Variants in CEP57L1 observed in about 807,000 individuals in gnomAD.
CEP57L1 encodes centrosomal protein 57 like 1.
CEP57L1 carries 37 observed loss-of-function variants against 61.0 expected under a neutral mutation model. The ratio of observed to expected loss-of-function variants is 0.61; its 90% CI spans 0.47 to 0.80. The LOEUF (loss-of-function observed/expected upper bound fraction) is 0.80. Among genes scored for constraint, CEP57L1 ranks in the 30% least tolerant of loss-of-function variants. The pLI is 0.00. For missense variants in CEP57L1, 422 were observed against 524.7 expected, an observed-to-expected ratio of 0.80 and a Z score of 1.91; for synonymous variants, 137 against 162.3, an observed-to-expected ratio of 0.84 and a Z score of 1.19.
chr6:109,126,926 G>T (rs577353414), intron 1 of CEP57L1, among the ~76,000 whole-genome samples: 4 of 152,278 alleles, frequency 2.6e-5, no homozygotes, highest in Admixed American at 2.6e-4. Flanking sequence ...CCAGCACTTT[G>T]GGAGGCCGAG....
chr6:109,130,279 A>T (rs749225518), intron 1 of CEP57L1, among the ~76,000 whole-genome samples: 4 of 152,214 alleles, frequency 2.6e-5, no homozygotes, highest in Non-Finnish European at 5.9e-5. Context: ...TAGATACTTC[A>T]TATAAGTGGA....
intron 4 of CEP57L1, among the ~76,000 whole-genome samples, 188 bp from the exon 5 acceptor site, chr6:109,153,641 AAAAT>A (rs1412420661): frequency 2.6e-5 from 4 of 152,174 alleles, no homozygotes; most frequent in South Asian, 2.1e-4. Context: ...AAGGTTGAAA[AAAAT>A]AAATAACAAA....
chr6:109,154,766 T>G (rs1337342127), intron 5 of CEP57L1, among the ~76,000 whole-genome samples: 1 of 152,082 alleles, frequency 6.6e-6, no homozygotes, highest in Non-Finnish European at 1.5e-5. Context: ...TATAAGCTCT[T>G]AAGTAACAAG....
intron 7 of CEP57L1, chr6:109,157,440 A>T (rs1410505199): frequency 1.3e-5 from 2 of 152,242 alleles, no homozygotes; most frequent in African/African-American, 2.4e-5. Flanking sequence ...AGTATAAAAC[A>T]GTATAATAGA....
rs2114983989 is a variant in CEP57L1, at chr6:109,166,684, A to G, written c.*3714A>G. On this transcript the variant is annotated 3_prime_UTR_variant, in exon 11 of 11. Coordinates refer to ENST00000517392, the MANE Select transcript of CEP57L1 (RefSeq NM_001271852.3). ...AGGCATGAGCCACTGCGCCCAGCCT[A>G]AATGTGTATTCTTATCCATGATAAG... 6.6e-6 allele frequency among the ~76,000 whole-genome samples: 1 copy of G among 152,192 alleles called. No homozygotes were observed. Among genetic ancestry groups the G allele is most frequent in the East Asian group, 1.9e-4 (1 of 5,186 alleles).
At chr6:109,121,670 A>C (rs1353932007) in intron 1 of CEP57L1, among the ~76,000 whole-genome samples, 2 of 152,188 alleles carry the variant, frequency 1.3e-5, no homozygotes, top group African/African-American at 4.8e-5. Flanking sequence ...TTTCATTATC[A>C]AAATCCCAGA....
chr6:109,119,349 G>A (rs926932166), intron 1 of CEP57L1, among the ~76,000 whole-genome samples: 8 of 152,150 alleles, frequency 5.3e-5, no homozygotes, highest in Non-Finnish European at 1.2e-4. Flanking sequence ...GCTACGTAAT[G>A]GGACCAATAA....
intron 1 of CEP57L1, among the ~76,000 whole-genome samples, chr6:109,104,187 T>G (rs1435804272): frequency 2.0e-5 from 3 of 152,156 alleles, no homozygotes; most frequent in African/African-American, 7.2e-5. Context: ...CTCAACAATA[T>G]ATTTTCAGAG....
At chr6:109,145,709 A>C (rs762607550) in intron 2 of CEP57L1, among the ~76,000 whole-genome samples, 16 of 152,016 alleles carry the variant, frequency 1.1e-4, no homozygotes, top group Non-Finnish European at 1.9e-4. Context: ...TTAGTGAATT[A>C]AATGGAATTG....
chr6:109,101,601 G>T (rs1195132323), intron 1 of CEP57L1, among the ~76,000 whole-genome samples: 1 of 151,454 alleles, frequency 6.6e-6, no homozygotes, highest in Non-Finnish European at 1.5e-5. Context: ...GAAACTCACA[G>T]CTGTTTTTCT....
intron 1 of CEP57L1, among the ~76,000 whole-genome samples, chr6:109,101,623 C>CTTTTTTT (rs1175348573): frequency 7.1e-6 from 1 of 139,930 alleles, no homozygotes; most frequent in African/African-American, 2.7e-5. Context: ...TTTCTTTTTT[C>CTTTTTTT]TTTTTTTTTT....
At chr6:109,141,557 A>G (rs987713425) in intron 1 of CEP57L1, among the ~76,000 whole-genome samples, 1 of 152,086 alleles carries the variant, frequency 6.6e-6, no homozygotes, top group Admixed American at 6.6e-5. Flanking sequence ...TTTATGTTAC[A>G]TTCGTGTATT....
At position 109,117,869 on chromosome 6, in the gene CEP57L1, T is replaced by G. The variant is rs1264572936; in HGVS notation, c.-4+22294T>G. Among the ~76,000 whole-genome samples, 3 of 152,160 alleles carry G rather than the reference T, an allele frequency of 2.0e-5. No individual in the cohort carries two copies. The East Asian group carries it at 5.8e-4, about 29-fold the overall frequency. On this transcript the variant is annotated intron_variant, in intron 1 of 10. Transcript: ENST00000517392. ...CGACATCATAGGCTGTTCTCTGTGCTCCTCTATTTTGGCTGCTGGTGGTAA... is the reference window on the plus strand; with the variant it reads ...CGACATCATAGGCTGTTCTCTGTGCGCCTCTATTTTGGCTGCTGGTGGTAA...
intron 1 of CEP57L1, among the ~76,000 whole-genome samples, chr6:109,106,438 GTT>G (rs1419312679): frequency 6.6e-6 from 1 of 152,106 alleles, no homozygotes; most frequent in Non-Finnish European, 1.5e-5. Context: ...TGTTGTCAGT[GTT>G]TTTAGTGTCA....
chr6:109,134,634 C>T (rs1270669217), intron 1 of CEP57L1, among the ~76,000 whole-genome samples: 1 of 152,192 alleles, frequency 6.6e-6, no homozygotes. Context: ...TCCCTGTTTG[C>T]AGATGACATG....
intron 1 of CEP57L1, 26 bp from the exon 2 acceptor site, chr6:109,145,193 C>CTAAAT: frequency 7.2e-7 from 1 of 1,383,470 alleles, no homozygotes; most frequent in Non-Finnish European, 9.7e-7. Flanking sequence ...AAGCATGATA[C>CTAAAT]TATATCATTC....
intron 1 of CEP57L1, among the ~76,000 whole-genome samples, chr6:109,109,507 G>A (rs1429194806): frequency 6.6e-6 from 1 of 151,964 alleles, no homozygotes; most frequent in Non-Finnish European, 1.5e-5. Context: ...GTGGGTTGTA[G>A]ATCTATAACA....
chr6:109,101,403 C>T lies in CEP57L1; in HGVS notation c.-4+5828C>T, dbSNP rs1433504047. Reference sequence around the variant, plus strand: ...TTGTTTTTATCACTGAAAAATAATCCATTGTATGGATATATCACAGTTTGC... The same window carrying T: ...TTGTTTTTATCACTGAAAAATAATCTATTGTATGGATATATCACAGTTTGC... On this transcript the variant is annotated intron_variant, in intron 1 of 10. Coordinates refer to ENST00000517392, the MANE Select transcript of CEP57L1 (RefSeq NM_001271852.3). 2.6e-5 allele frequency among the ~76,000 whole-genome samples: 4 copies of T among 152,064 alleles called. No individual in the cohort carries two copies. In the South Asian group the frequency reaches 8.3e-4, roughly 32 times the overall value.
At chr6:109,154,894 A>G (rs1460349804) in intron 5 of CEP57L1, among the ~76,000 whole-genome samples, 1 of 152,062 alleles carries the variant, frequency 6.6e-6, no homozygotes, top group Non-Finnish European at 1.5e-5. Flanking sequence ...GTTGAGACCC[A>G]AGACTATAAT....
Sources: gnomAD v4.1 joint callset for allele counts (sites outside exome capture counted in the v4.1 genomes callset) on GRCh38, gnomAD v4.1.1 for gene constraint, MANE v1.5 for transcripts, NCBI Gene and HGNC (gene_info 2026-07-23, HGNC 2026-07-21) for gene names.